Variants in CSMD1 observed in about 807,000 individuals in gnomAD.
The protein encoded by CSMD1 is CUB and Sushi multiple domains 1, also known as CUB and sushi domain-containing protein 1.
Under a neutral mutation model 417.5 loss-of-function variants are expected in CSMD1, and 213 were observed. The ratio of observed to expected loss-of-function variants is 0.51; its 90% CI spans 0.46 to 0.57. The LOEUF is 0.57. Ranked by LOEUF, CSMD1 falls within the 20% of genes least tolerant of loss-of-function variation. CSMD1 has a pLI of 0.00. For missense variants in CSMD1, 6,923 were observed against 4,529.7 expected (o/e 1.53, Z -15.17); for synonymous variants, 2,862 against 1,736.8 (o/e 1.65, Z -16.11).
At chr8:3,670,499 C>A (rs1384537611) in intron 7 of CSMD1, among the ~76,000 whole-genome samples, 2 of 132,958 alleles carry the variant, frequency 1.5e-5, no homozygotes, top group Non-Finnish European at 3.3e-5. Flanking sequence ...GTATATATAT[C>A]CCATATATAT....
At chr8:3,783,444 G>C (rs1799288358) in intron 5 of CSMD1, among the ~76,000 whole-genome samples, 1 of 152,212 alleles carries the variant, frequency 6.6e-6, no homozygotes, top group Admixed American at 6.5e-5. Context: ...GCTGATGGCA[G>C]GTCGGGAGCA....
At chr8:4,879,417 A>C (rs1049861327) in intron 1 of CSMD1, among the ~76,000 whole-genome samples, 2 of 152,128 alleles carry the variant, frequency 1.3e-5, no homozygotes, top group Non-Finnish European at 2.9e-5. Context: ...AATTGATATG[A>C]AGAAGAATTA....
intron 10 of CSMD1, among the ~76,000 whole-genome samples, chr8:3,508,420 T>C (rs959657117): frequency 7.2e-5 from 11 of 151,824 alleles, no homozygotes; most frequent in African/African-American, 2.7e-4. Flanking sequence ...GACGAGTTAA[T>C]GGGTGCAGCA....
chr8:3,763,696 C>G (rs1338894012), intron 5 of CSMD1, among the ~76,000 whole-genome samples: 2 of 152,136 alleles, frequency 1.3e-5, no homozygotes, highest in South Asian at 2.1e-4. Context: ...TGTGGCTAAA[C>G]AGTGTCATAG....
intron 4 of CSMD1, among the ~76,000 whole-genome samples, chr8:4,018,086 A>T (rs1260814180): frequency 6.6e-6 from 1 of 152,208 alleles, no homozygotes; most frequent in East Asian, 1.9e-4. Context: ...TAAGCTGGTT[A>T]TTATAGCCTA....
At chr8:4,286,350 G>T (rs1001174991) in intron 3 of CSMD1, among the ~76,000 whole-genome samples, 1 of 152,036 alleles carries the variant, frequency 6.6e-6, no homozygotes, top group Admixed American at 6.6e-5. Context: ...AAAAAACAAC[G>T]TTTTTCCTTC....
At chr8:4,391,210 T>C (rs1803829117) in intron 3 of CSMD1, among the ~76,000 whole-genome samples, 1 of 152,146 alleles carries the variant, frequency 6.6e-6, no homozygotes, top group South Asian at 2.1e-4. Context: ...TTGCATTTCA[T>C]GCAGTAAGAA....
In CSMD1 at chr8:3,596,675, G is replaced by C. The variant is rs1421938883; in HGVS notation, c.1098-10415C>G. On this transcript the variant is annotated intron_variant, in intron 8 of 69. Transcript: ENST00000635120. ...CCTTCACATCTGGTTGTTTGTAATT[G>C]ACCAGCAACCACAGTATCCAGGCTT... Among the ~76,000 whole-genome samples the C allele has an allele frequency of 2.6e-5, 4 of 152,016 alleles. No individual in the cohort carries two copies. In the South Asian group the frequency reaches 6.2e-4, roughly 24 times the overall value.
chr8:4,222,902 A>G (rs145825524), intron 3 of CSMD1, among the ~76,000 whole-genome samples: 298 of 152,336 alleles, frequency 2.0e-3, no homozygotes, highest in African/African-American at 6.9e-3. Flanking sequence ...TGGGCAAGTG[A>G]AAGTTATGCA....
At chr8:4,423,984 G>A (rs1400932087) in intron 2 of CSMD1, among the ~76,000 whole-genome samples, 1 of 151,966 alleles carries the variant, frequency 6.6e-6, no homozygotes, top group Non-Finnish European at 1.5e-5. Context: ...AACAAATTAT[G>A]ATGGATCAAT....
At chr8:3,273,721 G>C (rs1432839994) in intron 26 of CSMD1, among the ~76,000 whole-genome samples, 1 of 152,118 alleles carries the variant, frequency 6.6e-6, no homozygotes, top group Non-Finnish European at 1.5e-5. Context: ...TATTTGCATA[G>C]AGGTGTTTGT....
chr8:4,315,803 CTTT>C (rs35455292), intron 3 of CSMD1, among the ~76,000 whole-genome samples: 103,932 of 151,854 alleles, frequency 0.68, 39,293 homozygotes, highest in East Asian at 0.98. Flanking sequence ...GTAATTCAAA[CTTT>C]TTTTCTTTAT....
intron 3 of CSMD1, among the ~76,000 whole-genome samples, chr8:4,400,356 G>A (rs1033904234): frequency 6.6e-6 from 1 of 152,226 alleles, no homozygotes; most frequent in African/African-American, 2.4e-5. Flanking sequence ...AATTGTCAAA[G>A]CTTCCAAATG....
intron 3 of CSMD1, among the ~76,000 whole-genome samples, chr8:4,126,195 C>A (rs562143116): frequency 3.3e-5 from 5 of 152,172 alleles, no homozygotes; most frequent in Non-Finnish European, 7.3e-5. Context: ...ATTAAAAACC[C>A]TGATCCCCAA....
intron 1 of CSMD1, among the ~76,000 whole-genome samples, chr8:4,930,032 G>T (rs760779362): frequency 6.6e-6 from 1 of 152,162 alleles, no homozygotes; most frequent in Non-Finnish European, 1.5e-5. Flanking sequence ...GAAAGGAACA[G>T]GGGTGCACGG....
intron 3 of CSMD1, among the ~76,000 whole-genome samples, chr8:4,308,713 G>A (rs964531127): frequency 3.3e-5 from 5 of 152,200 alleles, no homozygotes; most frequent in African/African-American, 4.8e-5. Flanking sequence ...GCATTTGCAT[G>A]ATTTAGAGTA....
chr8:3,169,888 A>G (rs934291497), intron 37 of CSMD1, among the ~76,000 whole-genome samples: 15 of 152,108 alleles, frequency 9.9e-5, no homozygotes, highest in Non-Finnish European at 1.5e-4. Flanking sequence ...CTGATGTGAG[A>G]ATGGGCTGGC....
intron 17 of CSMD1, among the ~76,000 whole-genome samples, chr8:3,393,484 G>A (rs372692926): frequency 6.6e-6 from 1 of 152,178 alleles, no homozygotes; most frequent in East Asian, 1.9e-4. Flanking sequence ...AAAGAAAAAT[G>A]GCATTTTTTT....
intron 8 of CSMD1, among the ~76,000 whole-genome samples, chr8:3,612,214 G>C (rs1171838594): frequency 2.0e-5 from 3 of 152,048 alleles, no homozygotes; most frequent in East Asian, 3.9e-4. Context: ...GGTAAAGAAA[G>C]TCATTTCATA....
Sources: allele counts gnomAD v4.1 joint callset (sites outside exome capture counted in the v4.1 genomes callset), GRCh38; gene constraint gnomAD v4.1.1; transcripts MANE v1.5; gene names NCBI Gene and HGNC (gene_info 2026-07-23, HGNC 2026-07-21).